The following STK33 variants were observed in gnomAD, a reference collection of about 807,000 sequenced individuals.
STK33 encodes the protein serine/threonine-protein kinase 33.
Under a neutral mutation model 58.0 loss-of-function variants are expected in STK33, and 52 were observed. The observed-to-expected ratio is 0.90, with a 90% CI of 0.72 to 1.13. STK33 has a LOEUF of 1.13. Among genes scored for constraint, STK33 ranks in the 50% most tolerant of loss-of-function variants. STK33 has a pLI of 0.00. For synonymous variants in STK33, 215 were observed against 200.1 expected, an observed-to-expected ratio of 1.07 and a Z score of -0.63; for missense variants, 630 against 604.2, an observed-to-expected ratio of 1.04 and a Z score of -0.45.
intron 6 of STK33, among the ~76,000 whole-genome samples, chr11:8,470,909 T>G (rs1948716908): frequency 6.6e-6 from 1 of 152,116 alleles, no homozygotes; most frequent in Non-Finnish European, 1.5e-5. Flanking sequence ...AGAAAAAGTT[T>G]GAAATACTGT....
chr11:8,429,104 T>A (rs1409261604), intron 14 of STK33, among the ~76,000 whole-genome samples: 1 of 152,118 alleles, frequency 6.6e-6, no homozygotes, highest in African/African-American at 2.4e-5. Context: ...AAGAGAAGAA[T>A]GAATAACCTA....
chr11:8,440,592 A>G (rs1591072076), intron 12 of STK33, 86 bp downstream of exon 12: 1 of 1,146,674 alleles, frequency 8.7e-7, no homozygotes, highest in East Asian at 2.7e-5. Flanking sequence ...TTAAAAATAT[A>G]TATTAGTTTT....
rs556790127 is a variant in STK33, at chr11:8,582,215, C to G, written c.-466+11868G>C. On this transcript the variant is annotated intron_variant, in intron 1 of 15. Transcript: ENST00000687296. ...AAAATCAATTTGATAAACAAAAAAA[C>G]ATTTTCTTATGATACTCAGAGATCT... Among the ~76,000 whole-genome samples the G allele has an allele frequency of 2.4e-4, 36 of 152,122 alleles. No homozygotes were observed. In the South Asian group the frequency reaches 7.5e-3, roughly 32 times the overall value.
chr11:8,374,548 A>G, the STK33 span, among the ~76,000 whole-genome samples: 1 of 152,188 alleles, frequency 6.6e-6, no homozygotes, highest in African/African-American at 2.4e-5. Flanking sequence ...AGAGAGAAGG[A>G]TAGATCATAC....
chr11:8,469,370 ATTC>A (rs1199127466), intron 6 of STK33, among the ~76,000 whole-genome samples: 3 of 152,226 alleles, frequency 2.0e-5, no homozygotes, highest in Non-Finnish European at 4.4e-5. Context: ...ATAAGAAGCA[ATTC>A]TTCACTCATT....
At chr11:8,408,328 A>G (rs952117826) in intron 15 of STK33, among the ~76,000 whole-genome samples, 5 of 152,216 alleles carry the variant, frequency 3.3e-5, no homozygotes, top group African/African-American at 1.2e-4. Flanking sequence ...TATAGGCCCT[A>G]AGGGGAGCTG....
chr11:8,392,553 G>T lies in STK33; in HGVS notation c.1502C>A (p.Pro501His). The part of the protein sequence containing the change: ...TPSQGTATKY[P>H]AKSGALSRTK... ...TCTGGACAGGGCGCCGGATTTAGCA[G>T]GGTACTTGGTTGCTGTTCCTTGGCT... Residue 501 changes from proline (P) to histidine (H), a missense_variant, in exon 16 of 16, where the codon CCT (proline) becomes CAT (histidine). Transcript: ENST00000687296. 3 of 1,613,624 alleles carry T rather than the reference G, an allele frequency of 1.9e-6. No individual in the cohort carries two copies. In the South Asian group the frequency reaches 3.3e-5, roughly 18 times the overall value.
At chr11:8,562,509 A>G (rs192604714) in intron 1 of STK33, among the ~76,000 whole-genome samples, 2 of 151,970 alleles carry the variant, frequency 1.3e-5, no homozygotes, top group African/African-American at 2.4e-5. Flanking sequence ...CAGTCTAAAC[A>G]GTGTATAACA....
intron 15 of STK33, among the ~76,000 whole-genome samples, chr11:8,401,857 G>A (rs75959610): frequency 0.59 from 90,102 of 151,754 alleles, 27,412 homozygotes; most frequent in South Asian, 0.71. Flanking sequence ...CAAAAGACAC[G>A]TGAAAAAATG....
At chr11:8,474,638 G>A (rs1203240058) in intron 5 of STK33, 43 bp downstream of exon 5, 38 of 1,435,302 alleles carry the variant, frequency 2.6e-5, no homozygotes, top group East Asian at 4.6e-5. Flanking sequence ...ATTAGGGAAC[G>A]GGATGTCAAC....
At chr11:8,462,472 C>CACACATATAT (rs541126483) in intron 7 of STK33, among the ~76,000 whole-genome samples, 17 of 141,920 alleles carry the variant, frequency 1.2e-4, no homozygotes, top group African/African-American at 4.2e-4. Flanking sequence ...CACACACACA[C>CACACATATAT]ATATATATAT....
intron 14 of STK33, among the ~76,000 whole-genome samples, chr11:8,420,993 A>G (rs951882648): frequency 1.1e-4 from 16 of 148,348 alleles, no homozygotes; most frequent in East Asian, 8.6e-4. Flanking sequence ...AAAAAAAAAA[A>G]GGGGAGGGGG....
At chr11:8,365,582 A>G in the STK33 span, among the ~76,000 whole-genome samples, 1 of 152,120 alleles carries the variant, frequency 6.6e-6, no homozygotes, top group African/African-American at 2.4e-5. Flanking sequence ...GAATCCACAG[A>G]GTCTGAATCC....
At chr11:8,403,415 T>C (rs943830826) in intron 15 of STK33, among the ~76,000 whole-genome samples, 1 of 152,174 alleles carries the variant, frequency 6.6e-6, no homozygotes, top group African/African-American at 2.4e-5. Context: ...TTAAGAGAGC[T>C]CTTCAATCTA....
intron 8 of STK33, among the ~76,000 whole-genome samples, chr11:8,461,207 T>C (rs373033687): frequency 3.3e-5 from 5 of 152,194 alleles, no homozygotes; most frequent in East Asian, 1.9e-4. Flanking sequence ...CCGTACATTA[T>C]TACTCTTCTA....
Position 8,513,915 on chromosome 11 carries a change from T to C in STK33, c.-465-33301A>G, listed in dbSNP as rs189151581. ...GCTATCAAATACGAGTTCTTATTCA[T>C]TCTATTTTTTGTACCAATTAACCAC... is the stretch of plus-strand genomic sequence containing the variant. On this transcript the variant is annotated intron_variant, in intron 1 of 15. Transcript: ENST00000687296. 4.1e-3 allele frequency among the ~76,000 whole-genome samples: 621 copies of C among 152,252 alleles called. 5 individuals are homozygous for C. The highest frequency in any genetic ancestry group is 0.014 in the African/African-American group (592 of 41,540).
At chr11:8,434,262 AAAAAG>A (rs1943781445) in intron 14 of STK33, 1 of 216,892 alleles carries the variant, frequency 4.6e-6, no homozygotes, top group Non-Finnish European at 9.1e-6. Flanking sequence ...AAAAAAAAAA[AAAAAG>A]AATATTATCA....
intron 1 of STK33, among the ~76,000 whole-genome samples, chr11:8,576,189 T>A (rs569529825): frequency 7.9e-5 from 12 of 152,228 alleles, no homozygotes; most frequent in African/African-American, 2.9e-4. Flanking sequence ...AGCAGAACTT[T>A]CCTAATCCTC....
intron 1 of STK33, among the ~76,000 whole-genome samples, chr11:8,514,319 AT>A (rs1952585085): frequency 6.6e-6 from 1 of 152,192 alleles, no homozygotes; most frequent in Non-Finnish European, 1.5e-5. Flanking sequence ...TTTCTATTTC[AT>A]TTTAACACAA....
Sources: gnomAD v4.1 joint callset for allele counts (sites outside exome capture counted in the v4.1 genomes callset) on GRCh38, gnomAD v4.1.1 for gene constraint, MANE v1.5 for transcripts, NCBI Gene and HGNC (gene_info 2026-07-23, HGNC 2026-07-21) for gene names.